BCL9: variants seen among roughly 807,000 people sequenced by gnomAD.
BCL9 encodes the protein BCL9 transcription coactivator, also known as B-cell CLL/lymphoma 9 protein.
A neutral mutation model predicts 88.5 loss-of-function variants in BCL9; 25 were observed. The observed-to-expected ratio is 0.28, with a 90% CI of 0.21 to 0.39. The LOEUF (loss-of-function observed/expected upper bound fraction) is 0.39, where lower values mean the gene tolerates loss of function less well. Ranked by LOEUF, BCL9 falls within the 10% of genes least tolerant of loss-of-function variation. The pLI is 1.00. For missense variants in BCL9, 1,817 were observed against 1,877.8 expected (o/e 0.97, Z 0.60); for synonymous variants, 711 against 673.3 (o/e 1.06, Z -0.87).
intron 6 of BCL9, 107 bp downstream of exon 6, chr1:147,614,723 A>G (rs1185378336): frequency 4.8e-6 from 6 of 1,241,534 alleles, no homozygotes; most frequent in Non-Finnish European, 6.5e-6. Flanking sequence ...TTAACAGTAC[A>G]GATAAAACAT....
intron 1 of BCL9, among the ~76,000 whole-genome samples, chr1:147,602,389 T>A (rs1197880092): frequency 6.6e-6 from 1 of 151,800 alleles, no homozygotes; most frequent in Non-Finnish European, 1.5e-5. Flanking sequence ...TTTTTGTATT[T>A]TTAGTAGAGA....
chr1:147,613,494 T>C (rs1373608113), intron 5 of BCL9, among the ~76,000 whole-genome samples: 6 of 152,194 alleles, frequency 3.9e-5, no homozygotes, highest in African/African-American at 1.4e-4. Context: ...CTGGCCTCTA[T>C]GCTGTTTGTA....
At chr1:147,579,736 G>C (rs1468324767) in intron 1 of BCL9, among the ~76,000 whole-genome samples, 1 of 152,104 alleles carries the variant, frequency 6.6e-6, no homozygotes. Flanking sequence ...CCTGTCCCTC[G>C]GCTGAGATGG....
intron 1 of BCL9, among the ~76,000 whole-genome samples, chr1:147,571,101 T>C (rs782762225): frequency 2.6e-5 from 4 of 152,180 alleles, no homozygotes; most frequent in Non-Finnish European, 5.9e-5. Context: ...TTCCAAGGCA[T>C]GTCTCATCAT....
At chr1:147,602,856 T>C (rs138706424) in intron 1 of BCL9, among the ~76,000 whole-genome samples, 34 of 152,326 alleles carry the variant, frequency 2.2e-4, no homozygotes, top group African/African-American at 7.7e-4. Context: ...ATAAACTAAA[T>C]ATTTGTTCAT....
chr1:147,572,501 G>C (rs1655930818), intron 1 of BCL9, among the ~76,000 whole-genome samples: 1 of 152,172 alleles, frequency 6.6e-6, no homozygotes, highest in Non-Finnish European at 1.5e-5. Flanking sequence ...TTTGACCTGA[G>C]CTGACCATAG....
At chr1:147,593,579 T>C (rs945513762) in intron 1 of BCL9, among the ~76,000 whole-genome samples, 1 of 152,264 alleles carries the variant, frequency 6.6e-6, no homozygotes, top group Admixed American at 6.5e-5. Context: ...GCTAGATCAC[T>C]GATCCCAACA....
At chr1:147,604,257 C>T (rs911021988) in intron 1 of BCL9, among the ~76,000 whole-genome samples, 1 of 152,170 alleles carries the variant, frequency 6.6e-6, no homozygotes, top group Non-Finnish European at 1.5e-5. Context: ...CCAGGTCTAT[C>T]CACAGACCTC....
chr1:147,614,558 C>T lies in BCL9; in HGVS notation c.502C>T (p.Pro168Ser), dbSNP rs782805841. Residue 168 changes from proline to serine, a missense_variant, in exon 6 of 10, where the codon CCT (proline) becomes TCT (serine). By Grantham distance (74) the Pro-to-Ser change is moderately conservative. This residue lies in a region of BCL9 where 1,228 missense variants were observed against 1,191.6 expected (regional missense o/e 1.03). Coordinates refer to ENST00000234739, the MANE Select transcript of BCL9 (RefSeq NM_004326.4). Reference protein sequence around the residue: ...HGQTTATEPTPAQKTPAKVVY... With the variant: ...HGQTTATEPTSAQKTPAKVVY... ...CCAAACTACTGCCACAGAGCCCACA[C>T]CTGCTCAGAAGACTCCAGCCAAAGT... is the stretch of plus-strand genomic sequence containing the variant. 2 of 1,614,128 alleles carry T rather than the reference C, an allele frequency of 1.2e-6. No individual in the cohort carries two copies. The highest frequency in any genetic ancestry group is 2.2e-5 in the East Asian group (1 of 44,862).
At chr1:147,601,067 T>G (rs587753130) in intron 1 of BCL9, among the ~76,000 whole-genome samples, 1 of 152,234 alleles carries the variant, frequency 6.6e-6, no homozygotes, top group Non-Finnish European at 1.5e-5. Flanking sequence ...GCCAGAGGCC[T>G]GTAATAGTAT....
intron 1 of BCL9, among the ~76,000 whole-genome samples, chr1:147,568,492 A>AAAT (rs1359925345): frequency 6.6e-6 from 1 of 151,454 alleles, no homozygotes; most frequent in Non-Finnish European, 1.5e-5. Flanking sequence ...GAAAAAAAAA[A>AAAT]CAAGTTTCTT....
intron 1 of BCL9, among the ~76,000 whole-genome samples, chr1:147,594,766 G>A (rs1262473071): frequency 2.0e-5 from 3 of 152,214 alleles, no homozygotes; most frequent in Admixed American, 2.0e-4. Context: ...TATTCATTAT[G>A]TGAATTTGGC....
At chr1:147,572,151 A>G (rs1655915468) in intron 1 of BCL9, among the ~76,000 whole-genome samples, 1 of 152,132 alleles carries the variant, frequency 6.6e-6, no homozygotes, top group Non-Finnish European at 1.5e-5. Flanking sequence ...CTGAGGCAGG[A>G]GAATGGCGTG....
chr1:147,567,436 T>C (rs1439189953), intron 1 of BCL9, among the ~76,000 whole-genome samples: 1 of 152,188 alleles, frequency 6.6e-6, no homozygotes, highest in African/African-American at 2.4e-5. Flanking sequence ...ATTTCCAAAA[T>C]ATTCTATTTG....
At chr1:147,559,774 C>G (rs906152287) in intron 1 of BCL9, among the ~76,000 whole-genome samples, 1 of 152,148 alleles carries the variant, frequency 6.6e-6, no homozygotes, top group Non-Finnish European at 1.5e-5. Context: ...TCTCTAAGGA[C>G]GGTACTCACA....
At chr1:147,588,542 G>A in intron 1 of BCL9, among the ~76,000 whole-genome samples, 1 of 152,154 alleles carries the variant, frequency 6.6e-6, no homozygotes, top group East Asian at 1.9e-4. Context: ...AGAAAGAGAG[G>A]CTCGCTAGTT....
At chr1:147,580,743 T>C (rs922041262) in intron 1 of BCL9, among the ~76,000 whole-genome samples, 1 of 152,196 alleles carries the variant, frequency 6.6e-6, no homozygotes, top group Non-Finnish European at 1.5e-5. Flanking sequence ...TCCTTTGTTT[T>C]CCTGGTGGAG....
At chr1:147,593,757 C>T (rs1270457115) in intron 1 of BCL9, among the ~76,000 whole-genome samples, 1 of 151,990 alleles carries the variant, frequency 6.6e-6, no homozygotes, top group African/African-American at 2.4e-5. Context: ...TTTTTTGTAT[C>T]CCCCAAGCCC....
At chr1:147,588,286 C>T (rs1459858651) in intron 1 of BCL9, among the ~76,000 whole-genome samples, 1 of 152,150 alleles carries the variant, frequency 6.6e-6, no homozygotes, top group East Asian at 1.9e-4. Flanking sequence ...AGAGGCCTGA[C>T]TTGGCTGAAC....
Sources: allele counts gnomAD v4.1 joint callset (sites outside exome capture counted in the v4.1 genomes callset), GRCh38; gene constraint gnomAD v4.1.1; regional missense constraint gnomAD v4.1.1; transcripts MANE v1.5; gene names NCBI Gene and HGNC (gene_info 2026-07-23, HGNC 2026-07-21).